Variants in HSPA14 observed in about 807,000 individuals in gnomAD.
HSPA14 encodes the protein heat shock 70 kDa protein 14.
HSPA14 carries 37 observed loss-of-function variants against 65.5 expected under a neutral mutation model. That is an observed-to-expected ratio of 0.56 (90% CI 0.43 to 0.74). HSPA14 has a LOEUF of 0.74. HSPA14 is among the 30% of genes least tolerant of loss of function. The pLI is 0.00. For missense variants in HSPA14, 564 were observed against 607.6 expected, an observed-to-expected ratio of 0.93 and a Z score of 0.75; for synonymous variants, 203 against 214.2, an observed-to-expected ratio of 0.95 and a Z score of 0.46.
intron 10 of HSPA14, among the ~76,000 whole-genome samples, chr10:14,865,974 A>C (rs571887930): frequency 6.6e-6 from 1 of 152,162 alleles, no homozygotes; most frequent in African/African-American, 2.4e-5. Flanking sequence ...ATTTGTTTCT[A>C]TCCTCTTTTA....
At chr10:14,865,673 A>G (rs1218502517) in intron 10 of HSPA14, among the ~76,000 whole-genome samples, 3 of 152,100 alleles carry the variant, frequency 2.0e-5, no homozygotes, top group African/African-American at 7.2e-5. Flanking sequence ...GTTCTGTTCC[A>G]TTGGTCTGTA....
intron 1 of HSPA14, among the ~76,000 whole-genome samples, chr10:14,838,739 C>G (rs938044163): frequency 2.0e-5 from 3 of 152,074 alleles, no homozygotes; most frequent in African/African-American, 4.8e-5. Flanking sequence ...GTCCCAGGGA[C>G]GACGTAGCTG....
Position 14,848,796 on chromosome 10 carries a change from G to GA in HSPA14, c.284dup (p.Asn95LysfsTer7), listed in dbSNP as rs760011797. ...ATTGTAATTTATTTTATAGGTCATT[G>GA]AAAAAAATGGGAAATTACGATATGA... On this transcript the variant is annotated frameshift_variant, in exon 5 of 14. Transcript: ENST00000378372. LOFTEE classifies it high-confidence loss of function. 3.9e-6 allele frequency: 6 copies of GA among 1,547,528 alleles called. No homozygotes were observed. The highest frequency in any genetic ancestry group is 1.2e-5 in the South Asian group (1 of 83,948).
intron 12 of HSPA14, 110 bp downstream of exon 12, chr10:14,868,019 A>T: frequency 1.2e-6 from 1 of 802,818 alleles, no homozygotes; most frequent in African/African-American, 1.8e-5. Flanking sequence ...CACCTAATAC[A>T]TTTTTATGAA....
At chr10:14,854,850 G>T (rs1196078296) in intron 9 of HSPA14, among the ~76,000 whole-genome samples, 1 of 152,166 alleles carries the variant, frequency 6.6e-6, no homozygotes, top group Admixed American at 6.5e-5. Context: ...ACTTAATTAG[G>T]ATAACATTAA....
At chr10:14,849,317 T>A (rs2131640328) in intron 5 of HSPA14, 1 of 437,514 alleles carries the variant, frequency 2.3e-6, no homozygotes, top group South Asian at 1.6e-5. Context: ...TGGAATAGAT[T>A]GTTTATAAGG....
chr10:14,853,027 C>G (rs565824421), intron 8 of HSPA14, among the ~76,000 whole-genome samples: 3 of 151,738 alleles, frequency 2.0e-5, no homozygotes, highest in Non-Finnish European at 4.4e-5. Flanking sequence ...AATTCTAACC[C>G]TTTTGGATGT....
rs150137822 is a variant in HSPA14 at position 14,842,264 on chromosome 10, A to G, written c.221+2107A>G. On this transcript the variant is annotated intron_variant, in intron 3 of 13. Coordinates refer to ENST00000378372, the MANE Select transcript of HSPA14 (RefSeq NM_016299.4). This position sits in a 1 kb window ranked among gnomAD's most constrained non-coding sequence, Gnocchi z 5.2. ...GCACCTTGCTGTCCAGAAGCTGCCT[A>G]GCCCTCCTTTCCAACCCACAATGGC... 23 of 1,535,164 alleles carry G rather than the reference A, an allele frequency of 1.5e-5. No individual in the cohort carries two copies. The African/African-American group carries it at 2.9e-4, about 19-fold the overall frequency.
At chr10:14,845,146 A>T (rs1588808215) in intron 3 of HSPA14, 2 of 985,310 alleles carry the variant, frequency 2.0e-6, no homozygotes, top group East Asian at 2.3e-4. Context: ...CTGGGGAGAG[A>T]TGAAGGTGAT....
intron 3 of HSPA14, among the ~76,000 whole-genome samples, chr10:14,847,535 T>TA (rs575507200): frequency 1.2e-4 from 18 of 152,312 alleles, no homozygotes; most frequent in South Asian, 6.2e-4. Context: ...GCAAGCTACT[T>TA]ACCTCTTGTC....
Position 14,870,616 on chromosome 10 carries a change from A to G in HSPA14, c.1400A>G (p.Asp467Gly). Residue 467 changes from aspartate to glycine, a missense_variant, in exon 13 of 14, where the codon GAT (aspartate) becomes GGT (glycine). By Grantham distance (94) the Asp-to-Gly change is moderately conservative. Transcript: ENST00000378372. ...AAACAGGTTGTACTCCAGGATTTAG[A>G]TAAAAAAGAAAATGGATTACGTGAT... ...KFAQVVLQDL[D>G]KKENGLRDIL... The G allele has an allele frequency of 6.3e-7, 1 of 1,584,404 alleles. No individual in the cohort carries two copies. The highest frequency in any genetic ancestry group is 1.3e-5 in the African/African-American group (1 of 74,298).
In HSPA14 at chr10:14,854,245, A is replaced by T; in HGVS notation, c.855A>T (p.Leu285Phe). The T allele has an allele frequency of 6.2e-7, 1 of 1,612,630 alleles. No homozygotes were observed. Among genetic ancestry groups the T allele is most frequent in the Non-Finnish European group, 8.5e-7 (1 of 1,179,554 alleles). Reference sequence around the variant, plus strand: ...GTGCCAACTGTTTTCTTGACTCATTATATGAAGGTCAAGATTTTGATTGCA... The same window carrying T: ...GTGCCAACTGTTTTCTTGACTCATTTTATGAAGGTCAAGATTTTGATTGCA... ...LGSANCFLDS[L>F]YEGQDFDCNV... Residue 285 changes from leucine to phenylalanine, a missense_variant, in exon 9 of 14, where the codon TTA (leucine) becomes TTT (phenylalanine). Leu to Phe is a conservative substitution (Grantham distance 22, BLOSUM62 0). Transcript: ENST00000378372.
intron 13 of HSPA14, among the ~76,000 whole-genome samples, chr10:14,871,158 C>T (rs1435159032): frequency 1.3e-5 from 2 of 152,142 alleles, no homozygotes; most frequent in African/African-American, 2.4e-5. Context: ...ACTCCATAAA[C>T]GATACTTAGC....
intron 8 of HSPA14, 54 bp from the exon 9 acceptor site, chr10:14,854,071 A>G (rs1834127632): frequency 2.8e-6 from 4 of 1,449,184 alleles, no homozygotes; most frequent in Non-Finnish European, 3.7e-6. Context: ...CTTAGTTACA[A>G]TATTGTAAAT....
At chr10:14,856,002 G>A in intron 10 of HSPA14, 59 bp downstream of exon 10, 1 of 918,860 alleles carries the variant, frequency 1.1e-6, no homozygotes, top group Non-Finnish European at 1.8e-6. Flanking sequence ...TGGAATTTAG[G>A]AAATAGCTCT....
chr10:14,846,570 T>C, intron 3 of HSPA14: 1 of 984,190 alleles, frequency 1.0e-6, no homozygotes, highest in Non-Finnish European at 1.2e-6. Flanking sequence ...GACCCAACCA[T>C]TACTACTTGA....
chr10:14,870,474 C>A, intron 12 of HSPA14, 123 bp from the exon 13 acceptor site: 2 of 1,074,898 alleles, frequency 1.9e-6, no homozygotes, highest in South Asian at 1.6e-5. Flanking sequence ...GAATTGAAAA[C>A]TGCCCTATTT....
rs201147212 is a variant in HSPA14, at chr10:14,842,569, G to A, written c.221+2412G>A. ...CACCACACTGTCCATTTTATGATAC[G>A]TTGGATCAGCTTCTCCGAAATCAGA... On this transcript the variant is annotated intron_variant, in intron 3 of 13. Coordinates refer to ENST00000378372, the MANE Select transcript of HSPA14 (RefSeq NM_016299.4). The surrounding 1 kb of genome is among the most constrained non-coding windows in gnomAD (Gnocchi z 5.2). 595 of 1,535,984 alleles carry A rather than the reference G, an allele frequency of 3.9e-4. 1 individual carries two copies. The highest frequency in any genetic ancestry group is 1.5e-3 in the Middle Eastern group (9 of 6,012).
rs181102239 is a variant in HSPA14, at chr10:14,842,610, A to G, written c.221+2453A>G. 1.1e-5 allele frequency: 17 copies of G among 1,536,182 alleles called. No individual in the cohort carries two copies. The African/African-American group carries it at 2.2e-4, about 20-fold the overall frequency. The stretch of plus-strand genomic sequence containing the variant: ...CGAAATCAGATAGTGACTGACCCAG[A>G]CAACTTAATGGAGGATGCTGCTTGG... On this transcript the variant is annotated intron_variant, in intron 3 of 13. Transcript: ENST00000378372. The surrounding 1 kb of genome is among the most constrained non-coding windows in gnomAD (Gnocchi z 5.2).
Sources: allele counts gnomAD v4.1 joint callset (sites outside exome capture counted in the v4.1 genomes callset), GRCh38; gene constraint gnomAD v4.1.1; non-coding constraint Gnocchi (gnomAD v3.1); transcripts MANE v1.5; gene names NCBI Gene and HGNC (gene_info 2026-07-23, HGNC 2026-07-21).